NAALADL1: variants seen among roughly 807,000 people sequenced by gnomAD.
NAALADL1 encodes the protein N-acetylated alpha-linked acidic dipeptidase like 1.
NAALADL1 carries 77 observed loss-of-function variants against 82.8 expected under a neutral mutation model. The observed-to-expected ratio is 0.93, with a 90% CI of 0.77 to 1.12. NAALADL1 has a LOEUF of 1.12. Among genes scored for constraint, NAALADL1 ranks in the 50% most tolerant of loss-of-function variants. NAALADL1 has a pLI of 0.00. For synonymous variants in NAALADL1, 358 were observed against 399.2 expected (o/e 0.90, Z 1.23); for missense variants, 956 against 964.0 (o/e 0.99, Z 0.11).
At chr11:65,056,295 C>T (rs569870836) in intron 4 of NAALADL1, among the ~76,000 whole-genome samples, 2 of 152,320 alleles carry the variant, frequency 1.3e-5, no homozygotes, top group Admixed American at 1.3e-4. Context: ...CACCATTCAT[C>T]TCTAGAACTC....
In NAALADL1 at chr11:65,054,808, C is replaced by A; in HGVS notation, c.604-70G>T. 2 of 1,540,950 alleles carry A rather than the reference C, an allele frequency of 1.3e-6. No homozygotes were observed. Among genetic ancestry groups the A allele is most frequent in the Admixed American group, 3.6e-5 (2 of 55,072 alleles). ...CAGATATGTCCTATTCCTCTTCCTC[C>A]TTCCTCGACTGTGGAAGCCAGGATA... On this transcript the variant is annotated intron_variant, in intron 4 of 17. Coordinates refer to ENST00000358658, the MANE Select transcript of NAALADL1 (RefSeq NM_005468.3). This position sits in a 1 kb window ranked among gnomAD's most constrained non-coding sequence, Gnocchi z 4.3.
chr11:65,045,602 T>TA (rs1042838981), intron 17 of NAALADL1, 145 bp from the exon 18 acceptor site: 130 of 995,342 alleles, frequency 1.3e-4, no homozygotes, highest in South Asian at 5.3e-4. Context: ...AGGGAGCTCT[T>TA]ACAGCAGTGG....
intron 13 of NAALADL1, among the ~76,000 whole-genome samples, chr11:65,046,766 G>A (rs1001347664): frequency 6.6e-6 from 1 of 152,198 alleles, no homozygotes; most frequent in African/African-American, 2.4e-5. Context: ...ACAGAAAGGA[G>A]AAGAACCTGG....
intron 8 of NAALADL1, among the ~76,000 whole-genome samples, chr11:65,052,359 G>A (rs1361511542): frequency 6.6e-6 from 1 of 151,864 alleles, no homozygotes; most frequent in Non-Finnish European, 1.5e-5. Flanking sequence ...CATTCTCCCG[G>A]CTGGAGTGCA....
chr11:65,044,938 C>A lies in NAALADL1; in HGVS notation c.*333G>T. On this transcript the variant is annotated 3_prime_UTR_variant, in exon 18 of 18. Coordinates refer to ENST00000358658, the MANE Select transcript of NAALADL1 (RefSeq NM_005468.3). This position sits in a 1 kb window ranked among gnomAD's most constrained non-coding sequence, Gnocchi z 4.0. ...AAGGCCTAAGGTACCCCAAGACTCA[C>A]TTTCGCCACTGGTCCTTGGCCTTGA... The A allele has an allele frequency of 1.5e-6, 1 of 659,244 alleles. No homozygotes were observed. Among genetic ancestry groups the A allele is most frequent in the Non-Finnish European group, 2.5e-6 (1 of 394,276 alleles). 40.8% of individuals were successfully genotyped at this position (659,244 alleles called of 1,614,324 possible).
chr11:65,045,654 A>G, intron 17 of NAALADL1, 168 bp downstream of exon 17: 1 of 876,348 alleles, frequency 1.1e-6, no homozygotes. Context: ...TAGCTCCCAG[A>G]GGGACCCTCA....
In NAALADL1 at chr11:65,045,342, T is replaced by C; in HGVS notation, c.2152A>G (p.Arg718Gly). 6.2e-7 allele frequency: 1 copy of C among 1,610,426 alleles called. No individual in the cohort carries two copies. The highest frequency in any genetic ancestry group is 8.5e-7 in the Non-Finnish European group (1 of 1,178,560). Residue 718 changes from arginine (R) to glycine (G), a missense_variant, in exon 18 of 18, where the codon AGA becomes GGA. By Grantham distance (125) the Arg-to-Gly change is moderately radical. Transcript: ENST00000358658. ...SGSEAWAEVQ[R>G]QLSIVVTALE... ...GCTGTCACCACAATGCTGAGCTGTC[T>C]CTGGACCTCAGCCCAAGCTTCAGAT... is the stretch of plus-strand genomic sequence containing the variant.
chr11:65,051,922 A>G (rs1459818250), intron 8 of NAALADL1, among the ~76,000 whole-genome samples: 2 of 152,156 alleles, frequency 1.3e-5, no homozygotes, highest in African/African-American at 4.8e-5. Flanking sequence ...AAAACTAACG[A>G]AAGAGGGCCT....
At chr11:65,045,572 T>C in intron 17 of NAALADL1, 115 bp from the exon 18 acceptor site, 1 of 1,155,550 alleles carries the variant, frequency 8.7e-7, no homozygotes, top group South Asian at 1.6e-5. Flanking sequence ...AGCACCCCCG[T>C]CCACTTGTCT....
At position 65,044,851 on chromosome 11, in the gene NAALADL1, T is replaced by C; in HGVS notation, c.*420A>G. 3.6e-6 allele frequency: 4 copies of C among 1,101,304 alleles called. No homozygotes were observed. The highest frequency in any genetic ancestry group is 5.1e-6 in the Non-Finnish European group (4 of 791,716). The allele number at this position is 1,101,304 out of a possible 1,614,324, so 68.2% of individuals were successfully genotyped here. A position where few individuals can be genotyped will look rare whatever the true frequency, so the allele number is the denominator to read the frequency against. On this transcript the variant is annotated 3_prime_UTR_variant, in exon 18 of 18. Coordinates refer to ENST00000358658, the MANE Select transcript of NAALADL1 (RefSeq NM_005468.3). The surrounding 1 kb of genome is among the most constrained non-coding windows in gnomAD (Gnocchi z 4.0). ...GTACCAGTCACTAGATGTGATTTAT[T>C]TGAGGGGCTGTTGTAGGGAGTTAGG...
At chr11:65,051,945 C>T (rs1382199914) in intron 8 of NAALADL1, among the ~76,000 whole-genome samples, 2 of 152,148 alleles carry the variant, frequency 1.3e-5, no homozygotes, top group Non-Finnish European at 2.9e-5. Flanking sequence ...CGTGGAAACT[C>T]AATGCCTGTG....
chr11:65,055,537 G>A (rs1326276497), intron 4 of NAALADL1, among the ~76,000 whole-genome samples: 2 of 152,190 alleles, frequency 1.3e-5, no homozygotes, highest in Non-Finnish European at 2.9e-5. Context: ...AAGATGTTAT[G>A]TTAAGTGAAA....
In NAALADL1 at chr11:65,054,921, A is replaced by G. The variant is rs547276027; in HGVS notation, c.604-183T>C. On this transcript the variant is annotated intron_variant, in intron 4 of 17. Coordinates refer to ENST00000358658, the MANE Select transcript of NAALADL1 (RefSeq NM_005468.3). This position sits in a 1 kb window ranked among gnomAD's most constrained non-coding sequence, Gnocchi z 4.3. Reference sequence around the variant, plus strand: ...CAGTAAAGGCCAGTTCGGCACAGCCAAGCCCGTGCCTATCAGTGGAGTCTG... The same window carrying G: ...CAGTAAAGGCCAGTTCGGCACAGCCGAGCCCGTGCCTATCAGTGGAGTCTG... Among the ~76,000 whole-genome samples, 1 of 152,348 alleles carries G rather than the reference A, an allele frequency of 6.6e-6. No homozygotes were observed. The highest frequency in any genetic ancestry group is 2.1e-4 in the South Asian group (1 of 4,830).
intron 14 of NAALADL1, 25 bp from the exon 15 acceptor site, chr11:65,046,387 G>C: frequency 6.2e-7 from 1 of 1,614,170 alleles, no homozygotes; most frequent in Non-Finnish European, 8.5e-7. Context: ...CAAGGCCAGG[G>C]CTCAGTCTTC....
At chr11:65,052,911 G>A (rs563957671) in intron 8 of NAALADL1, among the ~76,000 whole-genome samples, 72 of 152,380 alleles carry the variant, frequency 4.7e-4, no homozygotes, top group African/African-American at 1.4e-3. Flanking sequence ...ATCGGCTGCC[G>A]TCCCTGACCC....
chr11:65,061,139 C>G (rs145230087), upstream of NAALADL1, among the ~76,000 whole-genome samples: 28 of 152,298 alleles, frequency 1.8e-4, no homozygotes, highest in African/African-American at 6.7e-4. Context: ...CACCCTTGCC[C>G]CTGGATGTGC....
chr11:65,053,323 A>C lies in NAALADL1; in HGVS notation c.1093T>G (p.Tyr365Asp). The change falls in exon 8 of 18, where the codon TAT becomes GAT. Residue 365 changes from tyrosine to aspartate, a missense_variant. Physicochemically the swap from Tyr to Asp is radical, Grantham distance 160. Coordinates refer to ENST00000358658, the MANE Select transcript of NAALADL1 (RefSeq NM_005468.3). The surrounding 1 kb of genome is among the most constrained non-coding windows in gnomAD (Gnocchi z 4.3). ...ACCCAGCTGTCTCGGTGGTTCCCAT[A>C]CAGCACGTAGCGATCTGGCCAGAGG... ...GAVEPDRYVL[Y>D]GNHRDSWVHG... 1 of 1,571,918 alleles carries C rather than the reference A, an allele frequency of 6.4e-7. No individual in the cohort carries two copies. The highest frequency in any genetic ancestry group is 8.6e-7 in the Non-Finnish European group (1 of 1,159,158).
chr11:65,053,483 G>A lies in NAALADL1; in HGVS notation c.1078+8C>T, dbSNP rs1946947701. On this transcript the variant is annotated splice_region_variant and intron_variant, in intron 7 of 17. Coordinates refer to ENST00000358658, the MANE Select transcript of NAALADL1 (RefSeq NM_005468.3). This position sits in a 1 kb window ranked among gnomAD's most constrained non-coding sequence, Gnocchi z 4.3. The stretch of plus-strand genomic sequence containing the variant: ...GCCTGGGGTGCAGGCAGCAAGAGGA[G>A]GGCTCACCAGGCTCCACAGCCCCAC... 4 of 1,613,858 alleles carry A rather than the reference G, an allele frequency of 2.5e-6. No homozygotes were observed. Among genetic ancestry groups the A allele is most frequent in the Non-Finnish European group, 3.4e-6 (4 of 1,179,962 alleles).
upstream of NAALADL1, among the ~76,000 whole-genome samples, chr11:65,060,123 C>CCCT (rs2137046888): frequency 6.8e-6 from 1 of 147,472 alleles, no homozygotes; most frequent in South Asian, 2.2e-4. Flanking sequence ...CAGGGCAGAG[C>CCCT]GTGTGTGTGT....
Sources: gnomAD v4.1 joint callset for allele counts (sites outside exome capture counted in the v4.1 genomes callset) on GRCh38, gnomAD v4.1.1 for gene constraint, Gnocchi (gnomAD v3.1) non-coding constraint, MANE v1.5 for transcripts, NCBI Gene and HGNC (gene_info 2026-07-23, HGNC 2026-07-21) for gene names.